Variants in GALNT3 observed in about 807,000 individuals in gnomAD.
GALNT3 encodes the protein GalNAc transferase 3.
In GALNT3, 51 loss-of-function variants were observed where a neutral mutation model predicts 69.8. The observed-to-expected ratio is 0.73, with a 90% CI of 0.58 to 0.92. The LOEUF is 0.92. Ranked by LOEUF, GALNT3 falls within the 40% of genes least tolerant of loss-of-function variation. The pLI is 0.00. For synonymous variants in GALNT3, 265 were observed against 248.5 expected (o/e 1.07, Z -0.63); for missense variants, 711 against 760.0 (o/e 0.94, Z 0.76).
intron 1 of GALNT3, among the ~76,000 whole-genome samples, chr2:165,792,686 G>A (rs1389300419): frequency 6.6e-6 from 1 of 151,974 alleles, no homozygotes; most frequent in Non-Finnish European, 1.5e-5. Context: ...AAACTTCTAC[G>A]TAAAAATGTT....
chr2:165,770,848 G>T, intron 1 of GALNT3, 40 bp from the exon 2 acceptor site: 1 of 789,130 alleles, frequency 1.3e-6, no homozygotes. Flanking sequence ...TAGCTATTCA[G>T]TCCTACAGGC....
Position 165,748,685 on chromosome 2 carries a change from G to T in GALNT3, c.*96C>A. 1 of 1,129,766 alleles carries T rather than the reference G, an allele frequency of 8.9e-7. No homozygotes were observed. The highest frequency in any genetic ancestry group is 1.3e-6 in the Non-Finnish European group (1 of 777,862). The allele number at this position is 1,129,766 out of a possible 1,614,324, so 70.0% of individuals were successfully genotyped here. On this transcript the variant is annotated 3_prime_UTR_variant, in exon 11 of 11. Coordinates refer to ENST00000392701, the MANE Select transcript of GALNT3 (RefSeq NM_004482.4). ...ATGCACTTGGAATAAGTTACATTTA[G>T]CTGCTTTTGCATAATTTTCAAAAAC...
chr2:165,754,447 A>G (rs1189346430), intron 9 of GALNT3, among the ~76,000 whole-genome samples, 180 bp downstream of exon 9: 1 of 116,012 alleles, frequency 8.6e-6, no homozygotes, highest in Non-Finnish European at 1.9e-5. Context: ...TTGTTTTCAG[A>G]GCCAGAGTAA....
intron 4 of GALNT3, 175 bp downstream of exon 4, chr2:165,761,730 A>C (rs1296016740): frequency 1.3e-6 from 1 of 748,678 alleles, no homozygotes; most frequent in South Asian, 1.5e-5. Flanking sequence ...AAGTGAAAGG[A>C]ATTTTCTCCA....
At chr2:165,790,422 A>G (rs1316637098) in intron 1 of GALNT3, among the ~76,000 whole-genome samples, 1 of 152,206 alleles carries the variant, frequency 6.6e-6, no homozygotes, top group Admixed American at 6.5e-5. Flanking sequence ...ATTTCACCCA[A>G]ATTACATAGT....
At chr2:165,758,215 C>T (rs1270522154) in intron 6 of GALNT3, among the ~76,000 whole-genome samples, 1 of 152,100 alleles carries the variant, frequency 6.6e-6, no homozygotes, top group African/African-American at 2.4e-5. Flanking sequence ...CACTACATTC[C>T]AGCCTAAGAG....
intron 1 of GALNT3, among the ~76,000 whole-genome samples, chr2:165,773,968 G>A (rs1247485376): frequency 6.6e-6 from 1 of 152,180 alleles, no homozygotes; most frequent in Admixed American, 6.5e-5. Context: ...AAAATGAGAA[G>A]AGAACCTTGG....
Position 165,757,195 on chromosome 2 carries a change from T to C in GALNT3, c.1244A>G (p.His415Arg), listed in dbSNP as rs751393704. Residue 415 changes from histidine to arginine, a missense_variant, in exon 7 of 11, where the codon CAT becomes CGT. Physicochemically the swap from His to Arg is conservative, Grantham distance 29. Transcript: ENST00000392701. ...LEIMPCSVVG[H>R]VFRSKSPHSF... ...ATGAGGGCTTTTGCTGCGAAAAACA[T>C]GTCCAACAACAGAGCAAGGCATAAT... is the stretch of plus-strand genomic sequence containing the variant. 1.2e-6 allele frequency: 2 copies of C among 1,614,118 alleles called. No homozygotes were observed. The highest frequency in any genetic ancestry group is 1.7e-6 in the Non-Finnish European group (2 of 1,179,976).
chr2:165,749,042 T>C, intron 10 of GALNT3, 139 bp from the exon 11 acceptor site: 1 of 878,272 alleles, frequency 1.1e-6, no homozygotes, highest in Non-Finnish European at 1.8e-6. Context: ...TAAACTCTTT[T>C]TGGCTTCTAG....
rs779706950 is a variant in GALNT3 at position 165,770,414 on chromosome 2, G to T, written c.287C>A (p.Pro96His). ...TGCTGTATAATATCCTTGCAAACAA[G>T]GTCTCTCACCAGCATCAATGTTTTG... ...VRQNIDAGER[P>H]CLQGYYTAAE... Residue 96 changes from proline (P) to histidine (H), a missense_variant, in exon 2 of 11, where the codon CCT (proline) becomes CAT (histidine). Transcript: ENST00000392701. 6.2e-7 allele frequency: 1 copy of T among 1,614,150 alleles called. No homozygotes were observed. Among genetic ancestry groups the T allele is most frequent in the Admixed American group, 1.7e-5 (1 of 60,012 alleles).
chr2:165,785,548 A>G (rs1683202795), intron 1 of GALNT3, among the ~76,000 whole-genome samples: 1 of 152,210 alleles, frequency 6.6e-6, no homozygotes, highest in Admixed American at 6.5e-5. Context: ...TAAGAATTAA[A>G]TAAAACAGAA....
chr2:165,763,677 C>T (rs577993262), intron 3 of GALNT3, among the ~76,000 whole-genome samples: 10 of 152,168 alleles, frequency 6.6e-5, no homozygotes, highest in South Asian at 4.1e-4. Flanking sequence ...CTACAGATTG[C>T]TTCAATATAC....
chr2:165,782,026 T>A (rs1466561954), intron 1 of GALNT3, among the ~76,000 whole-genome samples: 1 of 152,122 alleles, frequency 6.6e-6, no homozygotes, highest in Admixed American at 6.5e-5. Flanking sequence ...CACCCAATAA[T>A]TAAGTTTAGG....
chr2:165,761,456 C>T (rs1447128315), intron 4 of GALNT3, among the ~76,000 whole-genome samples: 1 of 152,126 alleles, frequency 6.6e-6, no homozygotes, highest in African/African-American at 2.4e-5. Context: ...AAATGATTCA[C>T]CAACGCCGGC....
intron 2 of GALNT3, among the ~76,000 whole-genome samples, chr2:165,766,987 A>C (rs1348336801): frequency 2.0e-5 from 3 of 152,190 alleles, no homozygotes; most frequent in Non-Finnish European, 4.4e-5. Flanking sequence ...TTTCTTCATG[A>C]TTTCAAAGCA....
chr2:165,786,321 G>C (rs1368173707), intron 1 of GALNT3, among the ~76,000 whole-genome samples: 1 of 152,176 alleles, frequency 6.6e-6, no homozygotes, highest in Admixed American at 6.5e-5. Context: ...GAGTTGACTG[G>C]ATTTTTATTG....
At chr2:165,756,018 T>C (rs912373147) in intron 7 of GALNT3, among the ~76,000 whole-genome samples, 1 of 152,198 alleles carries the variant, frequency 6.6e-6, no homozygotes, top group African/African-American at 2.4e-5. Context: ...CAAGTACTAT[T>C]GTACAGTACA....
At chr2:165,772,318 C>T (rs1452095444) in intron 1 of GALNT3, among the ~76,000 whole-genome samples, 3 of 152,108 alleles carry the variant, frequency 2.0e-5, no homozygotes, top group Non-Finnish European at 4.4e-5. Context: ...GGAACAGTGG[C>T]TCATGCCTAT....
intron 1 of GALNT3, among the ~76,000 whole-genome samples, chr2:165,787,240 T>C (rs1057228178): frequency 1.3e-5 from 2 of 152,188 alleles, no homozygotes; most frequent in African/African-American, 2.4e-5. Flanking sequence ...TAAGTAGTTA[T>C]GCCAAAATGG....
Sources: allele counts gnomAD v4.1 joint callset (sites outside exome capture counted in the v4.1 genomes callset), GRCh38; gene constraint gnomAD v4.1.1; transcripts MANE v1.5; gene names NCBI Gene and HGNC (gene_info 2026-07-23, HGNC 2026-07-21).